The following PDK1 variants were observed in gnomAD, a reference collection of about 807,000 sequenced individuals.
PDK1 encodes the protein pyruvate dehydrogenase kinase 1, also known as [Pyruvate dehydrogenase (acetyl-transferring)] kinase isozyme 1, mitochondrial.
PDK1 carries 39 observed loss-of-function variants against 54.2 expected under a neutral mutation model. That is an observed-to-expected ratio of 0.72 (90% CI 0.56 to 0.94). The LOEUF is 0.94. PDK1 is among the 40% of genes least tolerant of loss of function. The pLI is 0.00. For synonymous variants in PDK1, 221 were observed against 207.1 expected (o/e 1.07, Z -0.58); for missense variants, 552 against 566.0 (o/e 0.98, Z 0.25).
At chr2:172,568,226 G>C (rs1689058563) in intron 6 of PDK1, among the ~76,000 whole-genome samples, 2 of 151,202 alleles carry the variant, frequency 1.3e-5, no homozygotes, top group African/African-American at 2.4e-5. Context: ...TACTCGGGAG[G>C]CTGAGGCAGG....
chr2:172,653,955 G>C, the PDK1 span, among the ~76,000 whole-genome samples: 1 of 152,120 alleles, frequency 6.6e-6, no homozygotes, highest in East Asian at 1.9e-4. Context: ...ATCAAAAAGT[G>C]GGCAAAGGAT....
At chr2:172,670,242 T>G in the PDK1 span, among the ~76,000 whole-genome samples, 3 of 152,172 alleles carry the variant, frequency 2.0e-5, no homozygotes, top group African/African-American at 2.4e-5. Context: ...TTTGTAAATT[T>G]TACACAGATT....
At chr2:172,689,894 A>G in the PDK1 span, among the ~76,000 whole-genome samples, 3 of 150,328 alleles carry the variant, frequency 2.0e-5, no homozygotes, top group Non-Finnish European at 4.4e-5. Flanking sequence ...AACCATAAAA[A>G]CCCTAGAAGA....
intron 8 of PDK1, among the ~76,000 whole-genome samples, chr2:172,582,652 A>G (rs531455095): frequency 3.6e-4 from 55 of 152,320 alleles, no homozygotes; most frequent in African/African-American, 1.3e-3. Flanking sequence ...TGCCTTGAAT[A>G]TATACAGACT....
chr2:172,556,473 C>T lies in PDK1; in HGVS notation c.196+127C>T, dbSNP rs1662825168. ...GCGCACCCCTCCTCCTCAGCGTTTC[C>T]GCCCCCAGCGCCTTAGGTGCTTCCT... On this transcript the variant is annotated intron_variant, in intron 1 of 10. Transcript: ENST00000282077. 5.0e-6 allele frequency: 3 copies of T among 597,258 alleles called. No homozygotes were observed. The African/African-American group carries it at 5.8e-5, about 12-fold the overall frequency. The allele number at this position is 597,258 out of a possible 1,614,324, so 37.0% of individuals were successfully genotyped here.
At chr2:172,647,490 T>C in the PDK1 span, among the ~76,000 whole-genome samples, 5 of 152,118 alleles carry the variant, frequency 3.3e-5, no homozygotes, top group African/African-American at 1.2e-4. Flanking sequence ...GCCAAAGTAG[T>C]GCTAATTCAA....
chr2:172,560,005 A>C (rs1193966578), intron 2 of PDK1, among the ~76,000 whole-genome samples: 1 of 151,884 alleles, frequency 6.6e-6, no homozygotes, highest in Non-Finnish European at 1.5e-5. Flanking sequence ...TGCCACACCC[A>C]GCTAATTTTT....
chr2:172,650,785 C>T, the PDK1 span, among the ~76,000 whole-genome samples: 1 of 152,074 alleles, frequency 6.6e-6, no homozygotes, highest in African/African-American at 2.4e-5. Flanking sequence ...AGCTAACTAT[C>T]CTAAATAAAT....
chr2:172,578,409 A>T (rs1558942690), intron 8 of PDK1, among the ~76,000 whole-genome samples: 8 of 151,996 alleles, frequency 5.3e-5, no homozygotes, highest in Admixed American at 4.6e-4. Flanking sequence ...CTCTTATATA[A>T]TATCTATCCT....
downstream of PDK1, among the ~76,000 whole-genome samples, chr2:172,610,500 AT>A (rs1054793987): frequency 6.3e-4 from 96 of 152,218 alleles, no homozygotes; most frequent in African/African-American, 1.8e-3. Context: ...GGACTGAAAA[AT>A]TATTTTCCTG....
the PDK1 span, among the ~76,000 whole-genome samples, chr2:172,698,219 A>G: frequency 6.6e-6 from 1 of 152,126 alleles, no homozygotes; most frequent in South Asian, 2.1e-4. Context: ...TGTTCTACCA[A>G]ATATTTAGAG....
At chr2:172,681,541 C>T in the PDK1 span, among the ~76,000 whole-genome samples, 1 of 152,202 alleles carries the variant, frequency 6.6e-6, no homozygotes, top group Non-Finnish European at 1.5e-5. Context: ...AACAAATATT[C>T]ATTGAGCACC....
the PDK1 span, among the ~76,000 whole-genome samples, chr2:172,626,981 C>A: frequency 9.3e-4 from 141 of 152,096 alleles, 1 homozygote; most frequent in East Asian, 0.023. Context: ...AAAGAAAACC[C>A]CACACAAATC....
At chr2:172,687,850 C>T in the PDK1 span, among the ~76,000 whole-genome samples, 1 of 152,172 alleles carries the variant, frequency 6.6e-6, no homozygotes, top group African/African-American at 2.4e-5. Flanking sequence ...AAGATGGGGA[C>T]TCCTCTTCTT....
the PDK1 span, among the ~76,000 whole-genome samples, chr2:172,668,880 C>CACAT: frequency 1.5e-5 from 1 of 65,320 alleles, no homozygotes; most frequent in Non-Finnish European, 3.2e-5. Context: ...TGTACACACA[C>CACAT]ACACACACAC....
chr2:172,612,041 T>A (rs374270893), downstream of PDK1, among the ~76,000 whole-genome samples: 1 of 152,232 alleles, frequency 6.6e-6, no homozygotes, highest in East Asian at 1.9e-4. Flanking sequence ...ATATCATAAT[T>A]ATCAAAGCCA....
chr2:172,594,255 C>T (rs1690771082), intron 10 of PDK1, among the ~76,000 whole-genome samples: 3 of 152,072 alleles, frequency 2.0e-5, no homozygotes, highest in Non-Finnish European at 2.9e-5. Context: ...GAACTCCTGA[C>T]CTCAGGTGAT....
At chr2:172,702,242 C>T in the PDK1 span, among the ~76,000 whole-genome samples, 778 of 152,084 alleles carry the variant, frequency 5.1e-3, 6 homozygotes, top group African/African-American at 0.017. Context: ...TTTGGGAGGC[C>T]GAAGCGGGCA....
At chr2:172,642,969 C>T in the PDK1 span, among the ~76,000 whole-genome samples, 1 of 151,936 alleles carries the variant, frequency 6.6e-6, no homozygotes. Flanking sequence ...AGTGTCAAAC[C>T]TTTTCTCTTA....
Sources: gnomAD v4.1 joint callset for allele counts (sites outside exome capture counted in the v4.1 genomes callset) on GRCh38, gnomAD v4.1.1 for gene constraint, MANE v1.5 for transcripts, NCBI Gene and HGNC (gene_info 2026-07-23, HGNC 2026-07-21) for gene names.